PRDM16: variants seen among roughly 807,000 people sequenced by gnomAD.
The protein encoded by PRDM16 is PR/SET domain 16, also known as histone-lysine N-methyltransferase PRDM16.
PRDM16 carries 23 observed loss-of-function variants against 110.6 expected under a neutral mutation model. The observed-to-expected ratio is 0.21, with a 90% CI of 0.15 to 0.29. The LOEUF is 0.29. Ranked by LOEUF, PRDM16 falls within the 10% of genes least tolerant of loss-of-function variation. The pLI, the probability that PRDM16 is intolerant of heterozygous loss-of-function variation, is 1.00. For synonymous variants in PRDM16, 799 were observed against 781.8 expected, an observed-to-expected ratio of 1.02 and a Z score of -0.37; for missense variants, 1,615 against 1,794.3, an observed-to-expected ratio of 0.90 and a Z score of 1.81.
chr1:3,160,305 C>T (rs1295863384), intron 1 of PRDM16, among the ~76,000 whole-genome samples: 1 of 152,080 alleles, frequency 6.6e-6, no homozygotes, highest in African/African-American at 2.4e-5. Flanking sequence ...ATTTGCGCCT[C>T]CAGTATGACC....
intron 1 of PRDM16, among the ~76,000 whole-genome samples, chr1:3,114,313 ACG>A (rs1480964587): frequency 7.5e-5 from 10 of 132,622 alleles, no homozygotes; most frequent in African/African-American, 2.0e-4. Context: ...ACGCACACAC[ACG>A]CACACACGCA....
chr1:3,391,152 A>T (rs1034903421), intron 4 of PRDM16, among the ~76,000 whole-genome samples: 8 of 152,222 alleles, frequency 5.3e-5, no homozygotes, highest in African/African-American at 1.2e-4. Flanking sequence ...CAATTTTTTT[A>T]AATTAAAAAT....
chr1:3,073,686 C>T (rs1641821241), intron 1 of PRDM16, among the ~76,000 whole-genome samples: 2 of 152,096 alleles, frequency 1.3e-5, no homozygotes, highest in South Asian at 2.1e-4. Flanking sequence ...GACCCCGGGC[C>T]GGCCGGTAGT....
intron 1 of PRDM16, among the ~76,000 whole-genome samples, chr1:3,106,152 G>A (rs1481014452): frequency 1.3e-5 from 2 of 152,346 alleles, no homozygotes; most frequent in East Asian, 1.9e-4. Context: ...CTGGCAGGGT[G>A]GGCGGGGTAT....
chr1:3,131,997 G>GT (rs1275894605), intron 1 of PRDM16, among the ~76,000 whole-genome samples: 2 of 152,164 alleles, frequency 1.3e-5, no homozygotes, highest in African/African-American at 2.4e-5. Context: ...ATTTAAATTA[G>GT]TTTTTTTAAA....
intron 8 of PRDM16, among the ~76,000 whole-genome samples, chr1:3,409,879 GGTT>G (rs1233113048): frequency 7.2e-5 from 10 of 139,602 alleles, no homozygotes; most frequent in East Asian, 4.8e-4. Context: ...GCATGTGTGT[GGTT>G]GTGTGCATGT....
intron 1 of PRDM16, among the ~76,000 whole-genome samples, chr1:3,152,333 CATTT>C (rs750754647): frequency 2.0e-5 from 3 of 149,852 alleles, no homozygotes; most frequent in African/African-American, 7.3e-5. Context: ...TCCATCCATC[CATTT>C]ATCTATGCAT....
chr1:3,195,267 C>T (rs1025467859), intron 2 of PRDM16, among the ~76,000 whole-genome samples: 17 of 152,136 alleles, frequency 1.1e-4, no homozygotes, highest in Non-Finnish European at 2.5e-4. Flanking sequence ...CCCCCGGCAC[C>T]GTGACATCAG....
At chr1:3,418,059 C>T (rs1201635699) in intron 11 of PRDM16, 62 bp downstream of exon 11, 8 of 1,382,920 alleles carry the variant, frequency 5.8e-6, no homozygotes, top group East Asian at 2.4e-5. Flanking sequence ...ACACCTGTGG[C>T]TGTGAACCTG....
chr1:3,284,250 C>T (rs574653824), intron 3 of PRDM16, among the ~76,000 whole-genome samples: 1 of 152,342 alleles, frequency 6.6e-6, no homozygotes, highest in East Asian at 1.9e-4. Flanking sequence ...CATTATCTGC[C>T]TTTTGGGAAC....
At chr1:3,267,787 C>T (rs1019200017) in intron 3 of PRDM16, among the ~76,000 whole-genome samples, 6 of 152,184 alleles carry the variant, frequency 3.9e-5, no homozygotes, top group African/African-American at 1.4e-4. Context: ...CGCGCCGCTG[C>T]GGGTCCACAG....
chr1:3,075,263 A>G (rs536223553), intron 1 of PRDM16, among the ~76,000 whole-genome samples: 1 of 152,246 alleles, frequency 6.6e-6, no homozygotes, highest in Non-Finnish European at 1.5e-5. Context: ...TATATCCACT[A>G]TAACTATTTC....
At chr1:3,087,787 C>CT (rs1642184634) in intron 1 of PRDM16, among the ~76,000 whole-genome samples, 1 of 152,112 alleles carries the variant, frequency 6.6e-6, no homozygotes, top group South Asian at 2.1e-4. Flanking sequence ...TTTTACTCTT[C>CT]TTTTTTTCAC....
At chr1:3,090,463 G>T (rs1284140716) in intron 1 of PRDM16, among the ~76,000 whole-genome samples, 3 of 152,202 alleles carry the variant, frequency 2.0e-5, no homozygotes, top group Non-Finnish European at 4.4e-5. Flanking sequence ...CCGGGCGACT[G>T]GCTCCCCTGA....
chr1:3,298,048 T>C (rs939851969), intron 3 of PRDM16, among the ~76,000 whole-genome samples: 4 of 148,822 alleles, frequency 2.7e-5, no homozygotes, highest in Admixed American at 2.0e-4. Context: ...CTAAGGAAGC[T>C]GCTGAGAGTT....
chr1:3,357,560 C>CTCACAGAAGGCTG (rs1642632689), intron 3 of PRDM16, among the ~76,000 whole-genome samples: 2 of 139,164 alleles, frequency 1.4e-5, no homozygotes, highest in African/African-American at 6.8e-5. Flanking sequence ...AGCGCCGTTC[C>CTCACAGAAGGCTG]CCCCACGGGC....
chr1:3,220,170 C>T (rs906466938), intron 2 of PRDM16, among the ~76,000 whole-genome samples: 2 of 152,210 alleles, frequency 1.3e-5, no homozygotes, highest in African/African-American at 4.8e-5. Context: ...CTTGTCCTCG[C>T]CGTGCCCACG....
chr1:3,073,127 A>G (rs532492512), intron 1 of PRDM16, among the ~76,000 whole-genome samples: 1 of 152,222 alleles, frequency 6.6e-6, no homozygotes, highest in Non-Finnish European at 1.5e-5. Flanking sequence ...CTCGGCTCCC[A>G]AGTCCTCCTG....
chr1:3,108,884 G>A (rs985130343), intron 1 of PRDM16, among the ~76,000 whole-genome samples: 1 of 149,316 alleles, frequency 6.7e-6, no homozygotes, highest in Admixed American at 6.7e-5. Context: ...TGACCAACAT[G>A]ATGAAACCCT....
Sources: allele counts gnomAD v4.1 joint callset (sites outside exome capture counted in the v4.1 genomes callset), GRCh38; gene constraint gnomAD v4.1.1; transcripts MANE v1.5; gene names NCBI Gene and HGNC (gene_info 2026-07-23, HGNC 2026-07-21).